PARD3: variants seen among roughly 807,000 people sequenced by gnomAD.
The protein encoded by PARD3 is par-3 family cell polarity regulator, also known as partitioning defective 3 homolog.
PARD3 carries 75 observed loss-of-function variants against 155.4 expected under a neutral mutation model. That is an observed-to-expected ratio of 0.48 (90% CI 0.40 to 0.58). The LOEUF (loss-of-function observed/expected upper bound fraction) is 0.58, where lower values mean the gene tolerates loss of function less well. Ranked by LOEUF, PARD3 falls within the 20% of genes least tolerant of loss-of-function variation. The probability of loss-of-function intolerance (pLI) is 0.00; values close to 1 mark genes in which losing one functional copy is unlikely to be tolerated. For synonymous variants in PARD3, 576 were observed against 610.5 expected (o/e 0.94, Z 0.83); for missense variants, 1,642 against 1,721.7 (o/e 0.95, Z 0.82).
intron 3 of PARD3, among the ~76,000 whole-genome samples, chr10:34,478,976 G>A (rs896707707): frequency 1.3e-5 from 2 of 151,896 alleles, no homozygotes; most frequent in Non-Finnish European, 2.9e-5. Flanking sequence ...ACTCACCTGA[G>A]TACAAGAAAA....
In PARD3 at chr10:34,132,913, G is replaced by A. The variant is rs115903786; in HGVS notation, c.3420-1330C>T. On this transcript the variant is annotated intron_variant, in intron 22 of 24. Transcript: ENST00000374788. ...GAATGGTGCGGCAGAGAAGGGAGAC[G>A]AGAAGGAGCATCTGAATGTCAAGAG... 5.2e-3 allele frequency among the ~76,000 whole-genome samples: 797 copies of A among 152,212 alleles called. 7 individuals are homozygous for A. The highest frequency in any genetic ancestry group is 0.018 in the African/African-American group (756 of 41,536).
intron 14 of PARD3, among the ~76,000 whole-genome samples, chr10:34,352,948 T>C (rs1470084868): frequency 6.6e-6 from 1 of 150,530 alleles, no homozygotes; most frequent in Non-Finnish European, 1.5e-5. Flanking sequence ...GGAGCGCCTC[T>C]GCCCCGCCGC....
At chr10:34,483,344 C>T (rs1397467985) in intron 3 of PARD3, among the ~76,000 whole-genome samples, 1 of 151,822 alleles carries the variant, frequency 6.6e-6, no homozygotes, top group Non-Finnish European at 1.5e-5. Context: ...TAGCTAGGCA[C>T]AGTGGCACGC....
chr10:34,477,636 TA>T (rs1458611347), intron 3 of PARD3, among the ~76,000 whole-genome samples: 1 of 152,242 alleles, frequency 6.6e-6, no homozygotes, highest in African/African-American at 2.4e-5. Flanking sequence ...TTTTAACTGT[TA>T]AATATCCCAC....
At chr10:34,374,239 T>G (rs891949296) in intron 11 of PARD3, among the ~76,000 whole-genome samples, 1 of 152,148 alleles carries the variant, frequency 6.6e-6, no homozygotes, top group African/African-American at 2.4e-5. Flanking sequence ...ACCATGTAAA[T>G]ACTCAGATGT....
chr10:34,168,088 G>T (rs1318159735), intron 22 of PARD3, among the ~76,000 whole-genome samples: 4 of 152,052 alleles, frequency 2.6e-5, no homozygotes, highest in Non-Finnish European at 5.9e-5. Flanking sequence ...TAATGAAAAG[G>T]CTGAATATTT....
rs146785588 is a variant in PARD3, at chr10:34,120,313, T to G, written c.3541-573A>C. Among the ~76,000 whole-genome samples the G allele has an allele frequency of 3.9e-3, 594 of 151,854 alleles. 2 individuals carry two copies. The highest frequency in any genetic ancestry group is 4.6e-3 in the Non-Finnish European group (316 of 67,964). ...AGCCACTAAACCCAGCGTCTAGTCT[T>G]TATAATGAGGCTTGGTAAATGCTGA... On this transcript the variant is annotated intron_variant, in intron 23 of 24. Coordinates refer to ENST00000374788, the MANE Select transcript of PARD3 (RefSeq NM_001184785.2).
rs186272514 is a variant in PARD3 at position 34,793,146 on chromosome 10, G to A, written c.120+21730C>T. On this transcript the variant is annotated intron_variant, in intron 1 of 24. Coordinates refer to ENST00000374788, the MANE Select transcript of PARD3 (RefSeq NM_001184785.2). ...CCACCTGGGGAGCCGGGGGGCCGTC[G>A]CAGAGGCCACAAAGAGCTTTCTGAA... Among the ~76,000 whole-genome samples, 8 of 152,244 alleles carry A rather than the reference G, an allele frequency of 5.3e-5. No individual in the cohort carries two copies. In the East Asian group the frequency reaches 1.2e-3, roughly 22 times the overall value.
At chr10:34,654,425 G>A (rs537802855) in intron 2 of PARD3, among the ~76,000 whole-genome samples, 4 of 152,286 alleles carry the variant, frequency 2.6e-5, no homozygotes, top group East Asian at 1.9e-4. Context: ...GCTGAACTTC[G>A]AACTCAAGCC....
At chr10:34,694,252 T>C (rs2094123973) in intron 2 of PARD3, among the ~76,000 whole-genome samples, 1 of 152,134 alleles carries the variant, frequency 6.6e-6, no homozygotes, top group Non-Finnish European at 1.5e-5. Flanking sequence ...TCTAATACTC[T>C]GGTGGAAAAA....
At chr10:34,374,426 T>C (rs1437094589) in intron 11 of PARD3, among the ~76,000 whole-genome samples, 1 of 152,206 alleles carries the variant, frequency 6.6e-6, no homozygotes, top group Non-Finnish European at 1.5e-5. Flanking sequence ...AAAAAGGTAT[T>C]CCTTTTCATA....
At chr10:34,246,361 C>T (rs1440409047) in intron 22 of PARD3, among the ~76,000 whole-genome samples, 1 of 152,134 alleles carries the variant, frequency 6.6e-6, no homozygotes, top group Non-Finnish European at 1.5e-5. Flanking sequence ...GAACTGGGGA[C>T]CAAGATGGCT....
intron 2 of PARD3, among the ~76,000 whole-genome samples, chr10:34,525,839 T>C (rs2082438659): frequency 6.6e-6 from 1 of 151,716 alleles, no homozygotes; most frequent in Non-Finnish European, 1.5e-5. Context: ...TTCCAGCACT[T>C]TGGGAGGTAG....
chr10:34,141,510 C>T (rs1386780779), intron 22 of PARD3, among the ~76,000 whole-genome samples: 1 of 152,142 alleles, frequency 6.6e-6, no homozygotes, highest in South Asian at 2.1e-4. Context: ...CTCCAGTTCT[C>T]CAGATGCTTT....
intron 1 of PARD3, among the ~76,000 whole-genome samples, chr10:34,697,819 G>T (rs1197193382): frequency 6.8e-6 from 1 of 147,564 alleles, no homozygotes; most frequent in Non-Finnish European, 1.5e-5. Flanking sequence ...CATTTGTGGG[G>T]CCTATTCTGA....
At chr10:34,572,378 C>T (rs1215576776) in intron 2 of PARD3, among the ~76,000 whole-genome samples, 1 of 152,062 alleles carries the variant, frequency 6.6e-6, no homozygotes, top group Non-Finnish European at 1.5e-5. Flanking sequence ...ATGGCTCACA[C>T]CTGTAATCCC....
chr10:34,509,300 G>A (rs747794653), intron 3 of PARD3, among the ~76,000 whole-genome samples: 2 of 151,880 alleles, frequency 1.3e-5, no homozygotes, highest in East Asian at 1.9e-4. Context: ...CAAGCTCTTC[G>A]TGTTCAATAT....
At chr10:34,335,210 T>C (rs1836043215) in intron 18 of PARD3, among the ~76,000 whole-genome samples, 1 of 151,994 alleles carries the variant, frequency 6.6e-6, no homozygotes, top group South Asian at 2.1e-4. Context: ...GTTAATCTTA[T>C]GATTTATTAG....
intron 22 of PARD3, among the ~76,000 whole-genome samples, chr10:34,145,221 A>ATATATATATT (rs1491430560): frequency 5.9e-5 from 2 of 33,972 alleles, no homozygotes; most frequent in African/African-American, 2.7e-4. Context: ...ATATATATAT[A>ATATATATATT]TTTTTTTTTT....
Sources: allele counts gnomAD v4.1 joint callset (sites outside exome capture counted in the v4.1 genomes callset), GRCh38; gene constraint gnomAD v4.1.1; transcripts MANE v1.5; gene names NCBI Gene and HGNC (gene_info 2026-07-23, HGNC 2026-07-21).